ZNF280D: variants seen among roughly 807,000 people sequenced by gnomAD.
ZNF280D encodes suppressor of hairy wing homolog 4.
Under a neutral mutation model 94.7 loss-of-function variants are expected in ZNF280D, and 39 were observed. The ratio of observed to expected loss-of-function variants is 0.41; its 90% CI spans 0.32 to 0.54. ZNF280D has a LOEUF of 0.54. ZNF280D is among the 20% of genes least tolerant of loss of function. The probability of loss-of-function intolerance (pLI) is 0.22; values close to 1 mark genes in which losing one functional copy is unlikely to be tolerated. For synonymous variants in ZNF280D, 398 were observed against 377.6 expected, an observed-to-expected ratio of 1.05 and a Z score of -0.63; for missense variants, 1,090 against 1,149.3, an observed-to-expected ratio of 0.95 and a Z score of 0.75.
chr15:56,710,828 T>A (rs1327551159), intron 1 of ZNF280D, among the ~76,000 whole-genome samples: 3 of 152,106 alleles, frequency 2.0e-5, no homozygotes, highest in Non-Finnish European at 4.4e-5. Context: ...ACAGGTGTGC[T>A]ATATACTAGA....
chr15:56,699,408 T>C (rs1488080700), intron 6 of ZNF280D: 7 of 875,396 alleles, frequency 8.0e-6, no homozygotes, highest in Non-Finnish European at 8.2e-6. Context: ...TAAAAAATAA[T>C]GCACATTTTT....
intron 20 of ZNF280D, among the ~76,000 whole-genome samples, chr15:56,638,670 A>G (rs553357097): frequency 2.0e-5 from 3 of 152,162 alleles, no homozygotes; most frequent in East Asian, 1.9e-4. Flanking sequence ...GAAAATAGTT[A>G]TTTTTCAGAA....
At chr15:56,715,711 T>C (rs1368613644) in intron 1 of ZNF280D, among the ~76,000 whole-genome samples, 1 of 152,046 alleles carries the variant, frequency 6.6e-6, no homozygotes, top group Non-Finnish European at 1.5e-5. Flanking sequence ...AACAGTTTTG[T>C]ATTTGCCCAA....
chr15:56,682,115 A>T (rs150840058), intron 10 of ZNF280D, 139 bp downstream of exon 10: 19,205 of 584,060 alleles, frequency 0.033, 827 homozygotes, highest in Admixed American at 0.18. Context: ...CTTTTCAACA[A>T]GAGAATCCGC....
intron 1 of ZNF280D, among the ~76,000 whole-genome samples, chr15:56,708,782 T>C (rs1357470237): frequency 6.6e-6 from 1 of 152,140 alleles, no homozygotes; most frequent in Admixed American, 6.5e-5. Flanking sequence ...TAATAAATGG[T>C]GCTGGGAAAA....
At position 56,707,164 on chromosome 15, in the gene ZNF280D, T is replaced by G; in HGVS notation, c.-41-14A>C. On this transcript the variant is annotated splice_polypyrimidine_tract_variant and intron_variant, in intron 2 of 21. Transcript: ENST00000267807. ...GTCACCTAAGTACTGACACATGATA[T>G]CAGTCAATTTAATGAGTCACTTTAA... 2.5e-6 allele frequency: 4 copies of G among 1,613,188 alleles called. No homozygotes were observed. The highest frequency in any genetic ancestry group is 3.4e-6 in the Non-Finnish European group (4 of 1,179,650).
At position 56,668,901 on chromosome 15, in the gene ZNF280D, C is replaced by T. The variant is rs1484149031; in HGVS notation, c.1467G>A (p.Glu489=). 1.2e-6 allele frequency: 2 copies of T among 1,611,982 alleles called. No homozygotes were observed. Among genetic ancestry groups the T allele is most frequent in the Non-Finnish European group, 1.7e-6 (2 of 1,178,942 alleles). ...GGTGTTGAGTCTTATGATCCATTTTCTCCTTGCATGTCAAAAACTGCAGCC... is the reference window on the plus strand; with the variant it reads ...GGTGTTGAGTCTTATGATCCATTTTTTCCTTGCATGTCAAAAACTGCAGCC... The part of the protein sequence containing the change: ...KCRLQFLTCK[E]KMDHKTQHHR... Residue 489 remains glutamate (E), a synonymous_variant, in exon 14 of 22, where the codon GAG becomes GAA. Transcript: ENST00000267807.
chr15:56,664,058 T>A (rs28480089), intron 16 of ZNF280D, among the ~76,000 whole-genome samples: 4 of 151,932 alleles, frequency 2.6e-5, no homozygotes, highest in Non-Finnish European at 5.9e-5. Flanking sequence ...TAATTTCACA[T>A]GGCTGTCAGG....
At chr15:56,643,036 T>G (rs772600637) in intron 19 of ZNF280D, 39 bp from the exon 20 acceptor site, 20 of 1,302,556 alleles carry the variant, frequency 1.5e-5, no homozygotes, top group African/African-American at 1.5e-5. Flanking sequence ...TTATTTTATA[T>G]GTACGATGGT....
At chr15:56,711,543 T>C (rs1596618744) in intron 1 of ZNF280D, among the ~76,000 whole-genome samples, 1 of 152,072 alleles carries the variant, frequency 6.6e-6, no homozygotes, top group East Asian at 1.9e-4. Flanking sequence ...AGCATGCCTG[T>C]AATCCAAGCT....
rs537950794 is a variant in ZNF280D at position 56,725,505 on chromosome 15, T to C, written c.-86+7953A>G. Among the ~76,000 whole-genome samples the C allele has an allele frequency of 1.5e-4, 23 of 152,318 alleles. No individual in the cohort carries two copies. In the South Asian group the frequency reaches 4.8e-3, roughly 32 times the overall value. On this transcript the variant is annotated intron_variant, in intron 1 of 21. Coordinates refer to ENST00000267807, the MANE Select transcript of ZNF280D (RefSeq NM_017661.4). ...TTTTGCTACATTTTTGCATACCTCA[T>C]TGTCTTAATAAAGACAGCTGGATTC... is the stretch of plus-strand genomic sequence containing the variant.
intron 17 of ZNF280D, among the ~76,000 whole-genome samples, chr15:56,656,814 G>A (rs1402591806): frequency 6.6e-6 from 1 of 152,106 alleles, no homozygotes; most frequent in Non-Finnish European, 1.5e-5. Flanking sequence ...TATGTTAGAT[G>A]ATCTAGAGAA....
chr15:56,688,966 C>A, intron 9 of ZNF280D, 75 bp downstream of exon 9: 4 of 866,818 alleles, frequency 4.6e-6, no homozygotes, highest in East Asian at 2.7e-5. Flanking sequence ...CTGGACAAAC[C>A]ATTAATTACT....
At chr15:56,699,410 C>T (rs955549106) in intron 6 of ZNF280D, 1 of 859,610 alleles carries the variant, frequency 1.2e-6, no homozygotes, top group Non-Finnish European at 1.4e-6. Flanking sequence ...AAAAATAATG[C>T]ACATTTTTCA....
intron 7 of ZNF280D, among the ~76,000 whole-genome samples, chr15:56,690,063 A>G (rs2056335333): frequency 6.6e-6 from 1 of 152,200 alleles, no homozygotes; most frequent in African/African-American, 2.4e-5. Flanking sequence ...CTAATCTTGA[A>G]TGATAACACT....
At chr15:56,655,062 G>A (rs139559269) in intron 17 of ZNF280D, among the ~76,000 whole-genome samples, 58 of 152,254 alleles carry the variant, frequency 3.8e-4, no homozygotes, top group East Asian at 1.7e-3. Flanking sequence ...AGCCACCATC[G>A]ATTGTACATT....
At chr15:56,689,513 G>T in intron 7 of ZNF280D, 43 bp from the exon 8 acceptor site, 1 of 1,187,028 alleles carries the variant, frequency 8.4e-7, no homozygotes, top group South Asian at 2.1e-5. Flanking sequence ...TTTAAAATTA[G>T]AATATTATTT....
chr15:56,678,622 G>A (rs778365127), intron 11 of ZNF280D, 42 bp downstream of exon 11: 102 of 1,414,552 alleles, frequency 7.2e-5, no homozygotes, highest in Admixed American at 1.2e-4. Context: ...TTATATTAGC[G>A]AAATCAATAA....
chr15:56,720,861 T>C (rs1223927581), intron 1 of ZNF280D, among the ~76,000 whole-genome samples: 2 of 151,854 alleles, frequency 1.3e-5, no homozygotes, highest in Non-Finnish European at 2.9e-5. Context: ...TTTCTGTAAT[T>C]CATGTTGTAA....
Sources: allele counts gnomAD v4.1 joint callset (sites outside exome capture counted in the v4.1 genomes callset), GRCh38; gene constraint gnomAD v4.1.1; transcripts MANE v1.5; gene names NCBI Gene and HGNC (gene_info 2026-07-23, HGNC 2026-07-21).